The following TMCC3 variants were observed in gnomAD, a reference collection of about 807,000 sequenced individuals.
The protein encoded by TMCC3 is transmembrane and coiled-coil domain protein 3.
Under a neutral mutation model 40.2 loss-of-function variants are expected in TMCC3, and 28 were observed. That is an observed-to-expected ratio of 0.70 (90% CI 0.52 to 0.95). The LOEUF (loss-of-function observed/expected upper bound fraction) is 0.95, where lower values mean the gene tolerates loss of function less well. Ranked by LOEUF, TMCC3 falls within the 40% of genes least tolerant of loss-of-function variation. TMCC3 has a pLI of 0.00. For missense variants in TMCC3, 554 were observed against 615.2 expected (o/e 0.90, Z 1.05); for synonymous variants, 255 against 248.5 (o/e 1.03, Z -0.25).
chr12:94,635,534 G>A (rs1461924305), intron 1 of TMCC3, among the ~76,000 whole-genome samples: 1 of 152,082 alleles, frequency 6.6e-6, no homozygotes, highest in Non-Finnish European at 1.5e-5. Context: ...TAGTTCAAAA[G>A]AGAATTAAAA....
At chr12:94,648,020 T>C (rs896616587) in intron 1 of TMCC3, among the ~76,000 whole-genome samples, 1 of 152,200 alleles carries the variant, frequency 6.6e-6, no homozygotes, top group East Asian at 1.9e-4. Context: ...GTAGTAGAAT[T>C]TGTGATTACG....
At chr12:94,648,072 C>G (rs2069030169) in intron 1 of TMCC3, among the ~76,000 whole-genome samples, 1 of 152,164 alleles carries the variant, frequency 6.6e-6, no homozygotes, top group Non-Finnish European at 1.5e-5. Flanking sequence ...CCTCTCTTCA[C>G]TAGATCTGAC....
At chr12:94,623,854 TAA>T (rs1337472107) in intron 1 of TMCC3, among the ~76,000 whole-genome samples, 1 of 152,266 alleles carries the variant, frequency 6.6e-6, no homozygotes, top group South Asian at 2.1e-4. Context: ...ATCGGCAAAG[TAA>T]AAGTCAAGCC....
At chr12:94,636,849 T>TGGG (rs1428641576) in intron 1 of TMCC3, among the ~76,000 whole-genome samples, 3 of 152,196 alleles carry the variant, frequency 2.0e-5, no homozygotes, top group Admixed American at 6.5e-5. Flanking sequence ...CCAGTGAGCT[T>TGGG]GGGAAAGGAT....
At chr12:94,629,867 C>A (rs2068923345) in intron 1 of TMCC3, among the ~76,000 whole-genome samples, 2 of 152,040 alleles carry the variant, frequency 1.3e-5, no homozygotes, top group African/African-American at 2.4e-5. Context: ...AAATGGAGAC[C>A]CTGCTATTTG....
intron 1 of TMCC3, among the ~76,000 whole-genome samples, chr12:94,590,103 T>A (rs764928316): frequency 9.5e-6 from 1 of 105,766 alleles, no homozygotes; most frequent in Non-Finnish European, 2.1e-5. Flanking sequence ...ATAAAATCTA[T>A]TCTTTTTTTT....
At chr12:94,641,127 G>A (rs568730415) in intron 1 of TMCC3, among the ~76,000 whole-genome samples, 9 of 152,090 alleles carry the variant, frequency 5.9e-5, no homozygotes, top group Admixed American at 2.6e-4. Flanking sequence ...TTGAACCTGG[G>A]AGGCAGAGGT....
chr12:94,650,519 G>GCCGCCCCCTCGCCCGC lies in TMCC3; in HGVS notation c.-90_-89insGCGGGCGAGGGGGCGG. The GCCGCCCCCTCGCCCGC allele has an allele frequency of 9.5e-7, 1 of 1,049,734 alleles. No individual in the cohort carries two copies. The highest frequency in any genetic ancestry group is 1.2e-6 in the Non-Finnish European group (1 of 831,374). 65.0% of individuals were successfully genotyped at this position (1,049,734 alleles called of 1,614,324 possible). The stretch of plus-strand genomic sequence containing the variant: ...TGCTCGGGATCACCCTGGGAGCCGC[G>GCCGCCCCCTCGCCCGC]GGCGAGGGGGCGGCGCGGCTGCTGC... On this transcript the variant is annotated 5_prime_UTR_variant, in exon 1 of 4. Transcript: ENST00000261226.
intron 1 of TMCC3, among the ~76,000 whole-genome samples, chr12:94,593,018 A>G (rs11838220): frequency 0.63 from 96,292 of 151,644 alleles, 30,643 homozygotes; most frequent in Admixed American, 0.66. Flanking sequence ...CCAACATGGC[A>G]AAACCCCGTC....
chr12:94,642,808 C>G (rs1473148448), intron 1 of TMCC3, among the ~76,000 whole-genome samples: 1 of 152,204 alleles, frequency 6.6e-6, no homozygotes, highest in Non-Finnish European at 1.5e-5. Context: ...CGTACTACAC[C>G]GTTTAATTCT....
At chr12:94,609,732 C>CG (rs1301456246) in intron 1 of TMCC3, 1 of 152,164 alleles carries the variant, frequency 6.6e-6, no homozygotes, top group Non-Finnish European at 1.5e-5. Flanking sequence ...GCTAATTCAA[C>CG]GGCTTACAGA....
rs201464514 is a variant in TMCC3, at chr12:94,583,011, GA to G, written c.79-474del. Among the ~76,000 whole-genome samples, 748 of 142,936 alleles carry G rather than the reference GA, an allele frequency of 5.2e-3. 12 individuals carry two copies. Among genetic ancestry groups the G allele is most frequent in the African/African-American group, 0.018 (705 of 38,442 alleles). 93.8% of individuals were successfully genotyped at this position (142,936 alleles called of 152,430 possible). On this transcript the variant is annotated intron_variant, in intron 1 of 3. Transcript: ENST00000261226. ...TTTTTTTTTAAAAAAGAAAGATGGG[GA>G]AAAATAGGGAAAAAGATACGAGCAG...
rs2068528987 is a variant in TMCC3, at chr12:94,571,624, G to A, written c.1245C>T (p.Ile415=). 1 of 1,614,218 alleles carries A rather than the reference G, an allele frequency of 6.2e-7. No homozygotes were observed. Among genetic ancestry groups the A allele is most frequent in the Non-Finnish European group, 8.5e-7 (1 of 1,180,042 alleles). The change falls in exon 4 of 4, where the codon ATC becomes ATT. Residue 415 remains isoleucine, a synonymous_variant. Coordinates refer to ENST00000261226, the MANE Select transcript of TMCC3 (RefSeq NM_020698.4). ...CAGTCATGAAGGCCAGGATCACGTT[G>A]ATGCACCTCCCCAGGAGAACTTTAG... is the stretch of plus-strand genomic sequence containing the variant. ...VNAKVLLGRC[I]NVILAFMTVI...
At chr12:94,586,298 C>T (rs1368940892) in intron 1 of TMCC3, among the ~76,000 whole-genome samples, 2 of 152,190 alleles carry the variant, frequency 1.3e-5, no homozygotes, top group African/African-American at 4.8e-5. Context: ...ACAAGCTGAA[C>T]ACATTGTGTG....
In TMCC3 at chr12:94,578,461, T is replaced by C. The variant is rs2068580747; in HGVS notation, c.1064A>G (p.Lys355Arg). 7.4e-6 allele frequency: 12 copies of C among 1,614,058 alleles called. No individual in the cohort carries two copies. Among genetic ancestry groups the C allele is most frequent in the Non-Finnish European group, 1.0e-5 (12 of 1,180,032 alleles). Reference protein sequence around the residue: ...DLHQHETANLKQELASIEEKV... With the variant: ...DLHQHETANLRQELASIEEKV... ...CTCCTCAATGCTGGCCAGCTCCTGC[T>C]TCAGGTTGGCTGTCTCATGCTGATG... Residue 355 changes from lysine to arginine, a missense_variant, in exon 3 of 4, where the codon AAG (lysine) becomes AGG (arginine). Transcript: ENST00000261226.
chr12:94,582,657 T>C (rs980908412), intron 1 of TMCC3, 119 bp from the exon 2 acceptor site: 11 of 927,062 alleles, frequency 1.2e-5, no homozygotes, highest in Non-Finnish European at 1.1e-5. Flanking sequence ...ACTACAAGTG[T>C]CACGGGATAA....
intron 1 of TMCC3, among the ~76,000 whole-genome samples, chr12:94,639,764 GA>G (rs10716116): frequency 0.53 from 54,566 of 103,098 alleles, 12,980 homozygotes; most frequent in Middle Eastern, 0.59. Context: ...CAAGAGGTAA[GA>G]AAAAAAAAAA....
intron 1 of TMCC3, among the ~76,000 whole-genome samples, chr12:94,633,925 T>C (rs2068946459): frequency 6.6e-6 from 1 of 151,952 alleles, no homozygotes; most frequent in Admixed American, 6.6e-5. Flanking sequence ...CAATAGTACA[T>C]ATATATTATT....
intron 3 of TMCC3, among the ~76,000 whole-genome samples, chr12:94,577,950 C>T (rs940656498): frequency 2.0e-5 from 3 of 151,614 alleles, no homozygotes; most frequent in Non-Finnish European, 4.4e-5. Flanking sequence ...AGTTTGAGAC[C>T]AGCCTGGCCA....
Sources: allele counts gnomAD v4.1 joint callset (sites outside exome capture counted in the v4.1 genomes callset), GRCh38; gene constraint gnomAD v4.1.1; transcripts MANE v1.5; gene names NCBI Gene and HGNC (gene_info 2026-07-23, HGNC 2026-07-21).